FOXP2: variants seen among roughly 807,000 people sequenced by gnomAD.
FOXP2 encodes the protein forkhead box P2.
In FOXP2, 12 loss-of-function variants were observed where a neutral mutation model predicts 115.8. That is an observed-to-expected ratio of 0.10 (90% CI 0.07 to 0.17). FOXP2 has a LOEUF of 0.17. FOXP2 is among the 10% of genes least tolerant of loss of function. The pLI, the probability that FOXP2 is intolerant of heterozygous loss-of-function variation, is 1.00. For synonymous variants in FOXP2, 328 were observed against 297.7 expected (o/e 1.10, Z -1.05); for missense variants, 629 against 843.5 (o/e 0.75, Z 3.15).
intron 3 of FOXP2, among the ~76,000 whole-genome samples, chr7:114,567,825 A>G (rs1490103000): frequency 1.3e-5 from 2 of 152,068 alleles, no homozygotes; most frequent in African/African-American, 4.8e-5. Context: ...TGCCTGTCAT[A>G]GAAAGCTTTA....
chr7:114,189,596 A>G (rs1363706556), intron 1 of FOXP2, among the ~76,000 whole-genome samples: 1 of 152,188 alleles, frequency 6.6e-6, no homozygotes, highest in African/African-American at 2.4e-5. Flanking sequence ...CTTAAATGAC[A>G]AGTGATCATC....
chr7:114,116,849 C>T (rs1791421277), intron 1 of FOXP2, among the ~76,000 whole-genome samples: 1 of 152,114 alleles, frequency 6.6e-6, no homozygotes, highest in African/African-American at 2.4e-5. Flanking sequence ...GTCTCCCGCT[C>T]TTCAAAGGGT....
chr7:114,675,824 A>G (rs867070833), intron 16 of FOXP2, among the ~76,000 whole-genome samples: 56 of 152,154 alleles, frequency 3.7e-4, no homozygotes, highest in African/African-American at 1.2e-3. Context: ...AATGTCATTA[A>G]TTAACACTTA....
intron 2 of FOXP2, among the ~76,000 whole-genome samples, chr7:114,445,684 G>T (rs1794802382): frequency 3.3e-5 from 5 of 152,006 alleles, no homozygotes; most frequent in Non-Finnish European, 7.4e-5. Flanking sequence ...TTTTAATAAT[G>T]TGAAAACAAT....
chr7:114,541,881 T>C (rs1227575190), intron 3 of FOXP2, among the ~76,000 whole-genome samples: 8 of 151,776 alleles, frequency 5.3e-5, no homozygotes, highest in Admixed American at 2.6e-4. Flanking sequence ...AAATAGAACA[T>C]TAATATTGTT....
At chr7:114,621,062 A>G (rs954199021) in intron 3 of FOXP2, among the ~76,000 whole-genome samples, 1 of 151,942 alleles carries the variant, frequency 6.6e-6, no homozygotes, top group Non-Finnish European at 1.5e-5. Flanking sequence ...CAGCTAAACT[A>G]TTGTCTCTTT....
chr7:114,103,600 G>A (rs1791041337), intron 1 of FOXP2, among the ~76,000 whole-genome samples: 1 of 151,940 alleles, frequency 6.6e-6, no homozygotes, highest in Non-Finnish European at 1.5e-5. Flanking sequence ...TTTCCTTTAT[G>A]TGTTATGTTC....
chr7:114,631,376 A>G, intron 5 of FOXP2, 152 bp from the exon 6 acceptor site: 1 of 1,319,532 alleles, frequency 7.6e-7, no homozygotes, highest in Non-Finnish European at 1.0e-6. Flanking sequence ...CTGAAAATCT[A>G]GAACTTACTC....
At chr7:114,255,816 C>T (rs1303614203) in intron 1 of FOXP2, among the ~76,000 whole-genome samples, 2 of 152,102 alleles carry the variant, frequency 1.3e-5, no homozygotes, top group Admixed American at 6.5e-5. Flanking sequence ...CACTGTCTGC[C>T]AAGCCCCAGT....
chr7:114,652,147 A>T, intron 8 of FOXP2, 56 bp from the exon 9 acceptor site: 3 of 1,523,324 alleles, frequency 2.0e-6, no homozygotes, highest in Admixed American at 1.7e-5. Flanking sequence ...AGTGTAGCCT[A>T]TGCCACTAAG....
chr7:114,144,495 T>C (rs1189174493), intron 1 of FOXP2, among the ~76,000 whole-genome samples: 1 of 152,112 alleles, frequency 6.6e-6, no homozygotes, highest in Admixed American at 6.6e-5. Context: ...CAGTTCTTAA[T>C]TCCTAAGTAT....
At chr7:114,637,882 T>G (rs1805310581) in intron 6 of FOXP2, among the ~76,000 whole-genome samples, 1 of 152,046 alleles carries the variant, frequency 6.6e-6, no homozygotes, top group African/African-American at 2.4e-5. Context: ...ATCTCTAATA[T>G]AGGGATAATA....
chr7:114,237,674 T>A (rs1043751664), intron 1 of FOXP2, among the ~76,000 whole-genome samples: 13 of 152,040 alleles, frequency 8.6e-5, no homozygotes, highest in African/African-American at 2.2e-4. Flanking sequence ...TTTAAAAAAA[T>A]TATTGTATTC....
chr7:114,409,692 A>G (rs1236940734), upstream of FOXP2, among the ~76,000 whole-genome samples: 6 of 152,140 alleles, frequency 3.9e-5, no homozygotes, highest in Non-Finnish European at 4.4e-5. Flanking sequence ...TACTTGCATC[A>G]TAGAATTATT....
At position 114,292,031 on chromosome 7, in the gene FOXP2, A is replaced by G. The variant is rs1377767416; in HGVS notation, c.-11+3922A>G. On this transcript the variant is annotated intron_variant, in intron 2 of 17. Coordinates refer to the FOXP2 transcript ENST00000634411. ...ATAGATATAACATTAAAACACATAC[A>G]CATATATGTGTGTATATATGGATGT... Among the ~76,000 whole-genome samples the G allele has an allele frequency of 5.5e-5, 8 of 146,528 alleles. No homozygotes were observed. The Admixed American group carries it at 5.6e-4, about 10-fold the overall frequency.
intron 1 of FOXP2, among the ~76,000 whole-genome samples, chr7:114,221,674 G>A (rs2129163816): frequency 6.6e-6 from 1 of 152,232 alleles, no homozygotes. Context: ...TATTTCAGAA[G>A]TGGAATTTTC....
rs1793862344 is a variant in FOXP2, at chr7:114,426,575, A to C, written c.64A>C (p.Thr22Pro). 6.2e-7 allele frequency: 1 copy of C among 1,611,532 alleles called. No homozygotes were observed. Residue 22 changes from threonine to proline, a missense_variant, in exon 2 of 17, where the codon ACT (threonine) becomes CCT (proline). This residue lies in a region of FOXP2 where 91 missense variants were observed against 98.3 expected (regional missense o/e 0.93). Coordinates refer to ENST00000350908, the MANE Select transcript of FOXP2 (RefSeq NM_014491.4). Reference protein sequence around the residue: ...NSSMNQNGMSTLSSQLDAGSR... With the variant: ...NSSMNQNGMSPLSSQLDAGSR... ...TTCAATGAATCAAAATGGAATGAGC[A>C]CTCTAAGCAGCCAATTAGATGCTGG...
chr7:114,237,898 C>G (rs1227187230), intron 1 of FOXP2, among the ~76,000 whole-genome samples: 1 of 151,996 alleles, frequency 6.6e-6, no homozygotes, highest in African/African-American at 2.4e-5. Flanking sequence ...TTGCTTGAAC[C>G]CAGGAGGCAG....
intron 2 of FOXP2, among the ~76,000 whole-genome samples, chr7:114,523,687 G>A (rs1798730220): frequency 6.6e-6 from 1 of 151,786 alleles, no homozygotes; most frequent in African/African-American, 2.4e-5. Context: ...GCTTTTCTTC[G>A]ACTGTCTTTT....
Sources: gnomAD v4.1 joint callset for allele counts (sites outside exome capture counted in the v4.1 genomes callset) on GRCh38, gnomAD v4.1.1 for gene constraint, gnomAD v4.1.1 regional missense constraint, MANE v1.5 for transcripts, NCBI Gene and HGNC (gene_info 2026-07-23, HGNC 2026-07-21) for gene names.